Variants in CTNNA3 observed in about 807,000 individuals in gnomAD.
CTNNA3 encodes the protein catenin alpha 3.
CTNNA3 carries 76 observed loss-of-function variants against 95.7 expected under a neutral mutation model. The observed-to-expected ratio is 0.79, with a 90% CI of 0.66 to 0.96. CTNNA3 has a LOEUF of 0.96. Among genes scored for constraint, CTNNA3 ranks in the 40% least tolerant of loss-of-function variants. The probability of loss-of-function intolerance (pLI) is 0.00; values close to 1 mark genes in which losing one functional copy is unlikely to be tolerated. For missense variants in CTNNA3, 1,191 were observed against 1,089.8 expected (o/e 1.09, Z -1.31); for synonymous variants, 431 against 374.4 (o/e 1.15, Z -1.74).
intron 12 of CTNNA3, among the ~76,000 whole-genome samples, chr10:66,348,314 T>C (rs920632454): frequency 2.6e-5 from 4 of 152,152 alleles, no homozygotes; most frequent in Non-Finnish European, 5.9e-5. Context: ...CATTTTGCTA[T>C]CAACCCTATA....
chr10:66,939,703 T>G (rs1477199642), intron 7 of CTNNA3, among the ~76,000 whole-genome samples: 3 of 152,188 alleles, frequency 2.0e-5, no homozygotes, highest in Non-Finnish European at 4.4e-5. Context: ...CACAGTAAAC[T>G]TTGTCATTCA....
chr10:66,382,892 C>T (rs565563021), intron 11 of CTNNA3, among the ~76,000 whole-genome samples: 1 of 152,124 alleles, frequency 6.6e-6, no homozygotes, highest in African/African-American at 2.4e-5. Flanking sequence ...GTAGCATCAA[C>T]ATCAACATCA....
chr10:66,061,938 G>C (rs1325941021), intron 15 of CTNNA3, among the ~76,000 whole-genome samples: 2 of 152,074 alleles, frequency 1.3e-5, no homozygotes, highest in African/African-American at 4.8e-5. Context: ...TCTTCCTTGA[G>C]GAAAGAACTG....
intron 12 of CTNNA3, among the ~76,000 whole-genome samples, chr10:66,306,272 C>T (rs1040778549): frequency 5.9e-5 from 9 of 152,168 alleles, no homozygotes; most frequent in Non-Finnish European, 1.2e-4. Flanking sequence ...CACATAACTT[C>T]CCTGAGTCTC....
At chr10:67,022,340 T>C (rs1016077902) in intron 7 of CTNNA3, among the ~76,000 whole-genome samples, 1 of 152,104 alleles carries the variant, frequency 6.6e-6, no homozygotes, top group African/African-American at 2.4e-5. Context: ...CCTCTGTGTG[T>C]GTGTGTGTCT....
intron 12 of CTNNA3, among the ~76,000 whole-genome samples, chr10:66,323,256 A>T (rs2092212648): frequency 6.6e-6 from 1 of 152,106 alleles, no homozygotes; most frequent in Non-Finnish European, 1.5e-5. Context: ...TATAAATTCA[A>T]ACCAAATGTG....
intron 11 of CTNNA3, among the ~76,000 whole-genome samples, chr10:66,491,366 C>A (rs185901738): frequency 1.0e-3 from 153 of 152,222 alleles, no homozygotes; most frequent in Admixed American, 4.3e-3. Flanking sequence ...TCTTGTTCTC[C>A]AGAACCATAT....
At chr10:66,570,478 G>A (rs948441319) in intron 10 of CTNNA3, among the ~76,000 whole-genome samples, 2 of 151,722 alleles carry the variant, frequency 1.3e-5, no homozygotes, top group Admixed American at 6.6e-5. Context: ...TAGTAGAGTC[G>A]GGGTTTCATC....
chr10:66,554,832 A>AT (rs1279887905), intron 10 of CTNNA3, among the ~76,000 whole-genome samples: 7 of 149,746 alleles, frequency 4.7e-5, no homozygotes, highest in African/African-American at 7.4e-5. Flanking sequence ...TCCTTTCTTC[A>AT]TTTTTTTCAG....
At chr10:66,650,594 T>C (rs899799930) in intron 9 of CTNNA3, among the ~76,000 whole-genome samples, 4 of 152,148 alleles carry the variant, frequency 2.6e-5, no homozygotes, top group Non-Finnish European at 5.9e-5. Flanking sequence ...TTTTTAAAGA[T>C]GGTGTGTCCG....
chr10:67,373,090 A>G (rs943191927), intron 5 of CTNNA3, among the ~76,000 whole-genome samples: 1 of 152,186 alleles, frequency 6.6e-6, no homozygotes, highest in Middle Eastern at 3.2e-3. Context: ...ATCACCAGCT[A>G]ACATAATAAT....
intron 5 of CTNNA3, among the ~76,000 whole-genome samples, chr10:67,453,584 T>C (rs1235355575): frequency 6.6e-6 from 1 of 152,174 alleles, no homozygotes; most frequent in Non-Finnish European, 1.5e-5. Flanking sequence ...TTTCCCAAAT[T>C]CCAATTCTGT....
In CTNNA3 at chr10:67,118,756, TC is replaced by T. The variant is rs928507177; in HGVS notation, c.1047+61560del. Among the ~76,000 whole-genome samples the T allele has an allele frequency of 1.3e-4, 19 of 151,880 alleles. 1 individual carries two copies. The highest frequency in any genetic ancestry group is 4.3e-4 in the African/African-American group (18 of 41,486). Reference sequence around the variant, plus strand: ...CCCTAAAAACTTAGAAAGCCATGTCTCCCCTCTCATGAACTAAGCATTTCTC... The same window carrying T: ...CCCTAAAAACTTAGAAAGCCATGTCTCCCTCTCATGAACTAAGCATTTCTC... On this transcript the variant is annotated intron_variant, in intron 7 of 17. Transcript: ENST00000433211.
intron 10 of CTNNA3, among the ~76,000 whole-genome samples, chr10:66,543,015 C>T (rs923747273): frequency 4.0e-5 from 6 of 151,870 alleles, no homozygotes; most frequent in African/African-American, 1.5e-4. Context: ...CTTAAAAAGG[C>T]TACAGTATTT....
chr10:66,336,253 G>A (rs891961050), intron 12 of CTNNA3, among the ~76,000 whole-genome samples: 2 of 151,936 alleles, frequency 1.3e-5, no homozygotes, highest in African/African-American at 4.8e-5. Flanking sequence ...CCCACTGTCC[G>A]ACAATCCCCA....
intron 11 of CTNNA3, among the ~76,000 whole-genome samples, chr10:66,448,355 C>T (rs924732065): frequency 6.6e-6 from 1 of 152,156 alleles, no homozygotes; most frequent in Non-Finnish European, 1.5e-5. Flanking sequence ...ATAAATCATG[C>T]TGCTATAAAG....
intron 9 of CTNNA3, among the ~76,000 whole-genome samples, chr10:66,762,780 A>T (rs1384118111): frequency 6.6e-6 from 1 of 151,928 alleles, no homozygotes; most frequent in Non-Finnish European, 1.5e-5. Context: ...TTTTTGTAAA[A>T]GTTACACGTT....
chr10:67,198,103 ATTAAT>A lies in CTNNA3; in HGVS notation c.844-17588_844-17584del, dbSNP rs552783041. Among the ~76,000 whole-genome samples the A allele has an allele frequency of 1.8e-3, 277 of 152,316 alleles. 3 individuals carry two copies. Among genetic ancestry groups the A allele is most frequent in the African/African-American group, 5.5e-3 (230 of 41,588 alleles). On this transcript the variant is annotated intron_variant, in intron 6 of 17. Coordinates refer to ENST00000433211, the MANE Select transcript of CTNNA3 (RefSeq NM_013266.4). ...TGAATTTTTAGTTTATTTAATTATG[ATTAAT>A]TTAATTTTAAATTGAAAAGCCACAT... is the stretch of plus-strand genomic sequence containing the variant.
chr10:66,747,377 G>C (rs190896903), intron 9 of CTNNA3, among the ~76,000 whole-genome samples: 16 of 152,280 alleles, frequency 1.1e-4, no homozygotes, highest in Admixed American at 9.8e-4. Context: ...TAGGAAGTCT[G>C]CCTTTAAATA....
Sources: gnomAD v4.1 joint callset for allele counts (sites outside exome capture counted in the v4.1 genomes callset) on GRCh38, gnomAD v4.1.1 for gene constraint, MANE v1.5 for transcripts, NCBI Gene and HGNC (gene_info 2026-07-23, HGNC 2026-07-21) for gene names.